The following SASH1 variants were observed in gnomAD, a reference collection of about 807,000 sequenced individuals.
SASH1 encodes the protein SAM and SH3 domain-containing protein 1.
SASH1 carries 44 observed loss-of-function variants against 125.2 expected under a neutral mutation model. The observed-to-expected ratio is 0.35, with a 90% CI of 0.28 to 0.45. SASH1 has a LOEUF of 0.45. Among genes scored for constraint, SASH1 ranks in the 20% least tolerant of loss-of-function variants. The pLI is 1.00. For missense variants in SASH1, 1,426 were observed against 1,614.5 expected (o/e 0.88, Z 2.00); for synonymous variants, 639 against 649.1 (o/e 0.98, Z 0.24).
intron 2 of SASH1, among the ~76,000 whole-genome samples, chr6:148,410,771 A>G (rs993469103): frequency 6.6e-6 from 1 of 152,178 alleles, no homozygotes; most frequent in Non-Finnish European, 1.5e-5. Flanking sequence ...AAGGTGGGTT[A>G]GTTGTAAGGA....
chr6:148,231,887 C>T, the SASH1 span, among the ~76,000 whole-genome samples: 273 of 151,946 alleles, frequency 1.8e-3, 2 homozygotes, highest in African/African-American at 6.3e-3. Context: ...CTCTTTGATA[C>T]GTGAGCATGA....
chr6:148,450,100 TAG>T (rs1240461937), intron 4 of SASH1, among the ~76,000 whole-genome samples: 4 of 152,152 alleles, frequency 2.6e-5, no homozygotes, highest in African/African-American at 4.8e-5. Flanking sequence ...ACCCAAACTA[TAG>T]CACTCTCTGT....
At position 148,544,308 on chromosome 6, in the gene SASH1, G is replaced by A. The variant is rs147900926; in HGVS notation, c.2838G>A (p.Thr946=). 121 of 1,614,170 alleles carry A rather than the reference G, an allele frequency of 7.5e-5. No individual in the cohort carries two copies. In the African/African-American group the frequency reaches 8.3e-4, roughly 11 times the overall value. ...PPGAKHGLAR[T]PLEGHRKGHE... is the part of the protein sequence containing the mutation. The stretch of plus-strand genomic sequence containing the variant: ...GAGCTAAACACGGTTTAGCAAGGAC[G>A]CCTCTGGAGGGCCACAGAAAAGGAC... The change falls in exon 18 of 20, where the codon ACG becomes ACA. Residue 946 remains threonine (T), a synonymous_variant. Coordinates refer to ENST00000367467, the MANE Select transcript of SASH1 (RefSeq NM_015278.5). The surrounding 1 kb of genome is among the most constrained non-coding windows in gnomAD (Gnocchi z 6.4).
chr6:148,510,771 AGATTACCTGAGAGTCAG>A (rs1780068632), intron 8 of SASH1, among the ~76,000 whole-genome samples: 1 of 151,934 alleles, frequency 6.6e-6, no homozygotes. Flanking sequence ...TGAGGCGGGC[AGATTACCTGAGAGTCAG>A]GAGTTCAAGA....
At chr6:148,221,145 C>T in the SASH1 span, among the ~76,000 whole-genome samples, 1 of 152,084 alleles carries the variant, frequency 6.6e-6, no homozygotes, top group Non-Finnish European at 1.5e-5. Context: ...GAATTGCTTG[C>T]TAAATTTGAA....
intron 4 of SASH1, among the ~76,000 whole-genome samples, chr6:148,467,544 A>C (rs900627636): frequency 1.3e-5 from 2 of 152,174 alleles, no homozygotes; most frequent in Non-Finnish European, 2.9e-5. Context: ...GGTGGGAGGC[A>C]AATTCGATGC....
intron 4 of SASH1, among the ~76,000 whole-genome samples, chr6:148,450,179 A>T (rs181080708): frequency 1.6e-3 from 249 of 152,312 alleles, no homozygotes; most frequent in African/African-American, 5.7e-3. Context: ...AAGAGCATTC[A>T]AGAAATTGCT....
chr6:148,313,848 A>G (rs1434229595), intron 1 of SASH1, among the ~76,000 whole-genome samples: 4 of 152,158 alleles, frequency 2.6e-5, no homozygotes, highest in Non-Finnish European at 4.4e-5. Context: ...ATTCCTCATC[A>G]GAGGACTTAT....
chr6:148,526,341 T>C (rs1781159810), intron 11 of SASH1, among the ~76,000 whole-genome samples: 2 of 152,068 alleles, frequency 1.3e-5, no homozygotes, highest in South Asian at 4.2e-4. Flanking sequence ...GGATTACAGG[T>C]GTGAGCCACG....
intron 1 of SASH1, among the ~76,000 whole-genome samples, chr6:148,371,265 A>G (rs1782690124): frequency 6.6e-6 from 1 of 151,820 alleles, no homozygotes; most frequent in Non-Finnish European, 1.5e-5. Flanking sequence ...ATATCTATGG[A>G]GCACCTAGTT....
intron 1 of SASH1, among the ~76,000 whole-genome samples, chr6:148,387,512 T>TCC (rs1048288276): frequency 8.9e-4 from 128 of 143,904 alleles, no homozygotes; most frequent in African/African-American, 3.4e-3. Context: ...TCTCTTTCTT[T>TCC]TTCCTTCTTT....
At chr6:148,334,202 A>T (rs1358343677) in intron 1 of SASH1, among the ~76,000 whole-genome samples, 1 of 140,910 alleles carries the variant, frequency 7.1e-6, no homozygotes, top group Non-Finnish European at 1.5e-5. Flanking sequence ...AGGCGGGTGG[A>T]TCACGAGGTC....
Position 148,549,741 on chromosome 6 carries a change from C to T in SASH1, c.*1183C>T. 2.5e-6 allele frequency: 1 copy of T among 394,174 alleles called. No individual in the cohort carries two copies. The highest frequency in any genetic ancestry group is 4.5e-6 in the Non-Finnish European group (1 of 223,414). The allele number at this position is 394,174 out of a possible 1,614,324, so 24.4% of individuals were successfully genotyped here. On this transcript the variant is annotated 3_prime_UTR_variant, in exon 20 of 20. Transcript: ENST00000367467. ...AACAAAGGTTCACTATGGAACCAGA[C>T]AAATCTCATTAGCCATGTGTTAAGT...
chr6:148,333,674 G>A (rs1459583364), intron 1 of SASH1, among the ~76,000 whole-genome samples: 1 of 152,010 alleles, frequency 6.6e-6, no homozygotes, highest in Non-Finnish European at 1.5e-5. Context: ...CGATTCTCCT[G>A]CCTCAGCCTC....
chr6:148,301,697 G>A (rs1209512865), intron 1 of SASH1, among the ~76,000 whole-genome samples: 2 of 149,836 alleles, frequency 1.3e-5, no homozygotes, highest in Non-Finnish European at 3.0e-5. Flanking sequence ...TTTCACCTCC[G>A]TCCCCCAAGT....
At chr6:148,349,850 CTTTTTTTT>C (rs71841350) in intron 1 of SASH1, among the ~76,000 whole-genome samples, 6 of 145,214 alleles carry the variant, frequency 4.1e-5, no homozygotes, top group East Asian at 2.0e-4. Flanking sequence ...TTCTTTTTTT[CTTTTTTTT>C]TTTTTGAGAC....
chr6:148,237,549 T>G, the SASH1 span: 1 of 152,200 alleles, frequency 6.6e-6, no homozygotes, highest in Non-Finnish European at 1.5e-5. Context: ...TCAAGTAATG[T>G]CATAAATTCA....
At chr6:148,358,140 C>A in intron 1 of SASH1, among the ~76,000 whole-genome samples, 1 of 146,668 alleles carries the variant, frequency 6.8e-6, no homozygotes, top group East Asian at 2.0e-4. Context: ...AAAAAAAAAT[C>A]AAGATTTGAA....
intron 2 of SASH1, among the ~76,000 whole-genome samples, chr6:148,413,963 T>C (rs1310253541): frequency 6.6e-6 from 1 of 151,740 alleles, no homozygotes; most frequent in Non-Finnish European, 1.5e-5. Flanking sequence ...GTAAAAACCA[T>C]TGAAGAATGG....
Sources: allele counts gnomAD v4.1 joint callset (sites outside exome capture counted in the v4.1 genomes callset), GRCh38; gene constraint gnomAD v4.1.1; non-coding constraint Gnocchi (gnomAD v3.1); transcripts MANE v1.5; gene names NCBI Gene and HGNC (gene_info 2026-07-23, HGNC 2026-07-21).